Variants in DNAJC2 observed in about 807,000 individuals in gnomAD.
The protein encoded by DNAJC2 is dnaJ homolog subfamily C member 2.
In DNAJC2, 32 loss-of-function variants were observed where a neutral mutation model predicts 94.0. That is an observed-to-expected ratio of 0.34 (90% CI 0.26 to 0.46). DNAJC2 has a LOEUF of 0.46. Ranked by LOEUF, DNAJC2 falls within the 20% of genes least tolerant of loss-of-function variation. The pLI is 1.00. For synonymous variants in DNAJC2, 210 were observed against 229.7 expected, an observed-to-expected ratio of 0.91 and a Z score of 0.77; for missense variants, 550 against 719.5, an observed-to-expected ratio of 0.76 and a Z score of 2.69.
intron 3 of DNAJC2, among the ~76,000 whole-genome samples, chr7:103,334,729 A>G (rs1325890614): frequency 6.6e-6 from 1 of 151,892 alleles, no homozygotes; most frequent in Non-Finnish European, 1.5e-5. Context: ...ATTAACAGGG[A>G]TGAGCCACCA....
chr7:103,312,471 G>A lies in DNAJC2; in HGVS notation c.*98C>T. 6.5e-7 allele frequency: 1 copy of A among 1,546,664 alleles called. No individual in the cohort carries two copies. Among genetic ancestry groups the A allele is most frequent in the Admixed American group, 2.0e-5 (1 of 50,660 alleles). ...TCTCTGAGAAATTATGTTGGAAGCA[G>A]CATACTTTCAAATTATTACCATGAG... On this transcript the variant is annotated 3_prime_UTR_variant, in exon 17 of 17. Transcript: ENST00000379263.
In DNAJC2 at chr7:103,344,726, G is replaced by A; in HGVS notation, c.-104C>T. The A allele has an allele frequency of 8.1e-7, 1 of 1,234,950 alleles. No individual in the cohort carries two copies. The highest frequency in any genetic ancestry group is 1.2e-6 in the Non-Finnish European group (1 of 862,422). 76.5% of individuals were successfully genotyped at this position (1,234,950 alleles called of 1,614,324 possible). On this transcript the variant is annotated 5_prime_UTR_variant, in exon 1 of 17. Transcript: ENST00000379263. ...CCTCTCACTCCGAGCCTCGCGCCTTGGCTCTAAGACGCCCAGGAACCGGCG... is the reference window on the plus strand; with the variant it reads ...CCTCTCACTCCGAGCCTCGCGCCTTAGCTCTAAGACGCCCAGGAACCGGCG...
At chr7:103,317,123 C>G (rs1379661558) in intron 12 of DNAJC2, 109 bp from the exon 13 acceptor site, 1 of 985,532 alleles carries the variant, frequency 1.0e-6, no homozygotes, top group Admixed American at 2.5e-5. Context: ...CATTCTCACT[C>G]TGACCCCATA....
chr7:103,328,491 C>T (rs1009739271), intron 3 of DNAJC2, among the ~76,000 whole-genome samples: 4 of 151,824 alleles, frequency 2.6e-5, no homozygotes, highest in African/African-American at 7.3e-5. Flanking sequence ...ACTAGCTGGG[C>T]GTGGTGGTGC....
At chr7:103,312,921 A>C (rs1200468484) in intron 16 of DNAJC2, 26 bp downstream of exon 16, 2 of 1,592,578 alleles carry the variant, frequency 1.3e-6, no homozygotes, top group Non-Finnish European at 1.7e-6. Flanking sequence ...AAAATACAAC[A>C]ATCTATAAAC....
intron 7 of DNAJC2, 33 bp downstream of exon 7, chr7:103,323,565 A>G (rs2115895636): frequency 1.4e-6 from 2 of 1,429,954 alleles, no homozygotes; most frequent in Middle Eastern, 3.6e-4. Flanking sequence ...AACCAAATAA[A>G]TACCTTCCAT....
At chr7:103,317,526 A>G (rs1321365696) in intron 12 of DNAJC2, among the ~76,000 whole-genome samples, 1 of 152,194 alleles carries the variant, frequency 6.6e-6, no homozygotes, top group African/African-American at 2.4e-5. Flanking sequence ...GTCAGCTGCT[A>G]TCTTAAGAGT....
At chr7:103,324,638 T>A (rs1387542649) in intron 5 of DNAJC2, 76 bp from the exon 6 acceptor site, 2 of 1,203,258 alleles carry the variant, frequency 1.7e-6, no homozygotes, top group African/African-American at 1.6e-5. Flanking sequence ...TTTAATTTAT[T>A]AAAAACAATA....
At chr7:103,317,065 C>G (rs1818105549) in intron 12 of DNAJC2, 51 bp from the exon 13 acceptor site, 1 of 1,477,906 alleles carries the variant, frequency 6.8e-7, no homozygotes, top group Non-Finnish European at 9.3e-7. Flanking sequence ...TATTGCTATT[C>G]TACACTCTCT....
intron 9 of DNAJC2, 102 bp from the exon 10 acceptor site, chr7:103,322,183 A>T: frequency 2.2e-6 from 2 of 893,142 alleles, no homozygotes; most frequent in Non-Finnish European, 3.1e-6. Context: ...TATTAGGAAA[A>T]AAGGCAACAT....
chr7:103,315,764 C>G lies in DNAJC2; in HGVS notation c.1636G>C (p.Gly546Arg), dbSNP rs373180777. Residue 546 changes from glycine to arginine, a missense_variant and splice_region_variant, in exon 15 of 17, where the codon GGT becomes CGT. Around this residue, in one of 2 missense-constraint regions of DNAJC2, gnomAD observed 271 missense variants for 302.6 expected, o/e 0.90. Coordinates refer to ENST00000379263, the MANE Select transcript of DNAJC2 (RefSeq NM_014377.3). The part of the protein sequence containing the change: ...DNATPSERFE[G>R]PYTDFTPWTT... ...CTACGTTTAGAAAAGCAAAATTTAC[C>G]TTCAAATCGTTCTGAAGGCGTTGCG... The G allele has an allele frequency of 3.1e-6, 5 of 1,612,268 alleles. No individual in the cohort carries two copies. The African/African-American group carries it at 6.7e-5, about 22-fold the overall frequency.
chr7:103,326,112 G>A (rs1818690786), intron 5 of DNAJC2, among the ~76,000 whole-genome samples: 1 of 152,046 alleles, frequency 6.6e-6, no homozygotes, highest in Non-Finnish European at 1.5e-5. Flanking sequence ...CCGAGGAGCT[G>A]GGATTACAGG....
chr7:103,321,828 A>G (rs1818436615), intron 10 of DNAJC2, 104 bp downstream of exon 10: 12 of 1,328,296 alleles, frequency 9.0e-6, no homozygotes, highest in Non-Finnish European at 1.2e-5. Context: ...AGCCTGGGCG[A>G]CAGAGCGAGA....
intron 7 of DNAJC2, 23 bp downstream of exon 7, chr7:103,323,575 T>C: frequency 7.0e-7 from 1 of 1,438,764 alleles, no homozygotes; most frequent in South Asian, 1.4e-5. Context: ...ATACCTTCCA[T>C]TATTAATGAT....
intron 5 of DNAJC2, among the ~76,000 whole-genome samples, chr7:103,326,177 C>T (rs556938256): frequency 6.6e-6 from 1 of 152,116 alleles, no homozygotes; most frequent in South Asian, 2.1e-4. Context: ...AGGGTTTCAC[C>T]ATGTTGGCCA....
At chr7:103,332,570 G>A (rs1006634814) in intron 3 of DNAJC2, among the ~76,000 whole-genome samples, 1 of 151,704 alleles carries the variant, frequency 6.6e-6, no homozygotes, top group African/African-American at 2.4e-5. Flanking sequence ...AATTATCTGG[G>A]CCTAAAAATT....
At chr7:103,314,015 TAAAG>T in intron 15 of DNAJC2, 4 of 985,290 alleles carry the variant, frequency 4.1e-6, no homozygotes, top group Non-Finnish European at 3.6e-6. Context: ...CCTTCCCAAT[TAAAG>T]AAGGAAAAAC....
chr7:103,317,103 C>T (rs1054202420), intron 12 of DNAJC2, 89 bp from the exon 13 acceptor site: 1 of 1,136,534 alleles, frequency 8.8e-7, no homozygotes, highest in African/African-American at 1.6e-5. Context: ...TGGTCCTCAA[C>T]TCTCAATGTC....
At chr7:103,314,740 CTG>C (rs1186008884) in intron 15 of DNAJC2, 17 of 701,914 alleles carry the variant, frequency 2.4e-5, no homozygotes, top group Non-Finnish European at 2.8e-5. Context: ...TATATTAACA[CTG>C]TAAGTCTCAT....
Sources: gnomAD v4.1 joint callset for allele counts (sites outside exome capture counted in the v4.1 genomes callset) on GRCh38, gnomAD v4.1.1 for gene constraint, gnomAD v4.1.1 regional missense constraint, MANE v1.5 for transcripts, NCBI Gene and HGNC (gene_info 2026-07-23, HGNC 2026-07-21) for gene names.